Variants in CALCR observed in about 807,000 individuals in gnomAD.
The protein encoded by CALCR is calcitonin receptor.
In CALCR, 47 loss-of-function variants were observed where a neutral mutation model predicts 59.5. The ratio of observed to expected loss-of-function variants is 0.79; its 90% CI spans 0.63 to 1.01. CALCR has a LOEUF of 1.01. Among genes scored for constraint, CALCR ranks in the 50% least tolerant of loss-of-function variants. The probability of loss-of-function intolerance (pLI) is 0.00; values close to 1 mark genes in which losing one functional copy is unlikely to be tolerated. For missense variants in CALCR, 566 were observed against 597.1 expected, an observed-to-expected ratio of 0.95 and a Z score of 0.54; for synonymous variants, 213 against 211.3, an observed-to-expected ratio of 1.01 and a Z score of -0.07.
intron 8 of CALCR, 31 bp downstream of exon 8, chr7:93,460,789 TA>T: frequency 6.5e-7 from 1 of 1,539,748 alleles, no homozygotes; most frequent in Non-Finnish European, 8.8e-7. Flanking sequence ...TCCTTTAAAA[TA>T]AAAGTAAAAA....
At chr7:93,527,141 A>G (rs1391726452) in intron 2 of CALCR, among the ~76,000 whole-genome samples, 1 of 151,962 alleles carries the variant, frequency 6.6e-6, no homozygotes, top group African/African-American at 2.4e-5. Context: ...AGATTCACTC[A>G]ATAACATATC....
chr7:93,461,920 A>C lies in CALCR; in HGVS notation c.522-973T>G. ...AAATATTAGTATAATGTCATTCACC[A>C]TGTGAGAGCGTAAAACATGCCAATG... is the stretch of plus-strand genomic sequence containing the variant. On this transcript the variant is annotated intron_variant, in intron 7 of 13. Transcript: ENST00000426151. The C allele has an allele frequency of 3.2e-6, 2 of 616,878 alleles. 1 individual carries two copies. The highest frequency in any genetic ancestry group is 3.8e-5 in the South Asian group (2 of 52,362). The allele number at this position is 616,878 out of a possible 1,614,324, so 38.2% of individuals were successfully genotyped here. A position where few individuals can be genotyped will look rare whatever the true frequency, so the allele number is the denominator to read the frequency against.
chr7:93,436,223 A>G, intron 11 of CALCR, 53 bp from the exon 12 acceptor site: 2 of 1,392,988 alleles, frequency 1.4e-6, no homozygotes, highest in South Asian at 1.2e-5. Flanking sequence ...TCACTTAAGA[A>G]TATGCACTGT....
At chr7:93,525,082 C>CA (rs1489444307) in intron 2 of CALCR, among the ~76,000 whole-genome samples, 14 of 152,084 alleles carry the variant, frequency 9.2e-5, no homozygotes, top group Non-Finnish European at 1.8e-4. Context: ...TGATCAAAAA[C>CA]ATTAATTCCA....
chr7:93,513,334 A>G (rs1420112483), intron 2 of CALCR, among the ~76,000 whole-genome samples: 1 of 152,188 alleles, frequency 6.6e-6, no homozygotes, highest in Non-Finnish European at 1.5e-5. Flanking sequence ...CTTTCTAATA[A>G]CATCTGCTAT....
At chr7:93,438,496 T>C (rs375482564) in intron 9 of CALCR, among the ~76,000 whole-genome samples, 4 of 152,204 alleles carry the variant, frequency 2.6e-5, no homozygotes, top group African/African-American at 9.6e-5. Context: ...AGCATCCAAA[T>C]AATTAAAAGC....
intron 2 of CALCR, among the ~76,000 whole-genome samples, chr7:93,573,902 T>C (rs1007815605): frequency 3.9e-5 from 6 of 152,216 alleles, no homozygotes; most frequent in Non-Finnish European, 8.8e-5. Context: ...TAGATGCTGA[T>C]ATTATATGTT....
intron 12 of CALCR, among the ~76,000 whole-genome samples, chr7:93,435,249 G>A (rs1423798159): frequency 6.6e-6 from 1 of 152,108 alleles, no homozygotes; most frequent in African/African-American, 2.4e-5. Flanking sequence ...ACATTCACCT[G>A]ACAAATGGAG....
At chr7:93,573,851 G>A (rs749046144) in intron 2 of CALCR, among the ~76,000 whole-genome samples, 1 of 152,172 alleles carries the variant, frequency 6.6e-6, no homozygotes, top group African/African-American at 2.4e-5. Flanking sequence ...ATTCACTACT[G>A]TGCTCATTTC....
rs1446513787 is a variant in CALCR, at chr7:93,436,059, G to A, written c.1042C>T (p.Leu348Phe). The change falls in exon 12 of 14, where the codon CTT becomes TTT. Residue 348 changes from leucine to phenylalanine, a missense_variant. Leu to Phe is a conservative substitution (Grantham distance 22). Transcript: ENST00000426151. Reference protein sequence around the residue: ...YLKAVKATMILVPLLGIQFVV... With the variant: ...YLKAVKATMIFVPLLGIQFVV... ...AACTGGATTCCCAGCAGGGGCACAA[G>A]GATCATGGTGGCCTTCACAGCCTTC... 1.1e-5 allele frequency: 18 copies of A among 1,613,748 alleles called. No homozygotes were observed. The highest frequency in any genetic ancestry group is 3.3e-5 in the Admixed American group (2 of 59,998).
chr7:93,440,957 C>T (rs1250517471), intron 9 of CALCR, among the ~76,000 whole-genome samples: 1 of 152,082 alleles, frequency 6.6e-6, no homozygotes, highest in African/African-American at 2.4e-5. Flanking sequence ...ATCACATAAA[C>T]AATTTACTTA....
At position 93,438,312 on chromosome 7, in the gene CALCR, C is replaced by A; in HGVS notation, c.803-42G>T. The A allele has an allele frequency of 2.0e-6, 3 of 1,482,900 alleles. No homozygotes were observed. In the South Asian group the frequency reaches 3.4e-5, roughly 17 times the overall value. 91.9% of individuals were successfully genotyped at this position (1,482,900 alleles called of 1,614,324 possible). A position where few individuals can be genotyped will look rare whatever the true frequency, so the allele number is the denominator to read the frequency against. On this transcript the variant is annotated intron_variant, in intron 9 of 13. Transcript: ENST00000426151. Reference sequence around the variant, plus strand: ...TACAAATCACACTTGGTTTCTTGGTCATAACCTTTAAGTACAGCTGCATGG... The same window carrying A: ...TACAAATCACACTTGGTTTCTTGGTAATAACCTTTAAGTACAGCTGCATGG...
rs138302963 is a variant in CALCR, at chr7:93,529,102, A to T, written c.-26-42095T>A. Among the ~76,000 whole-genome samples the T allele has an allele frequency of 8.0e-4, 122 of 152,254 alleles. 2 individuals are homozygous for T. In the East Asian group the frequency reaches 0.023, roughly 28 times the overall value. ...TAATAAAGATGTTGATATAGTTTGTATATTTGTCTCCACCCAAATCTTATG... is the reference window on the plus strand; with the variant it reads ...TAATAAAGATGTTGATATAGTTTGTTTATTTGTCTCCACCCAAATCTTATG... On this transcript the variant is annotated intron_variant, in intron 2 of 13. Transcript: ENST00000426151.
chr7:93,555,349 A>C (rs1446965854), intron 2 of CALCR, among the ~76,000 whole-genome samples: 1 of 152,144 alleles, frequency 6.6e-6, no homozygotes, highest in Non-Finnish European at 1.5e-5. Flanking sequence ...GTCCTGAGGC[A>C]CTATGGATGT....
intron 2 of CALCR, among the ~76,000 whole-genome samples, chr7:93,563,531 A>G (rs1789794101): frequency 6.6e-6 from 1 of 152,204 alleles, no homozygotes; most frequent in African/African-American, 2.4e-5. Flanking sequence ...CAACCTGGCA[A>G]AGCACAATTT....
chr7:93,462,996 C>T (rs1187606441), intron 7 of CALCR, among the ~76,000 whole-genome samples: 2 of 149,484 alleles, frequency 1.3e-5, no homozygotes, highest in African/African-American at 2.5e-5. Context: ...GGGCTTAATA[C>T]CCATTTTTTT....
At chr7:93,546,005 A>T (rs1203242820) in intron 2 of CALCR, among the ~76,000 whole-genome samples, 1 of 152,190 alleles carries the variant, frequency 6.6e-6, no homozygotes, top group African/African-American at 2.4e-5. Flanking sequence ...TAACAAAAAA[A>T]ATACTGTTGC....
intron 2 of CALCR, among the ~76,000 whole-genome samples, chr7:93,513,863 A>C (rs1292503674): frequency 6.6e-6 from 1 of 151,828 alleles, no homozygotes; most frequent in East Asian, 1.9e-4. Flanking sequence ...TTCATTTACA[A>C]ATAAATATAT....
chr7:93,516,796 T>C (rs1350870152), intron 2 of CALCR, among the ~76,000 whole-genome samples: 1 of 151,798 alleles, frequency 6.6e-6, no homozygotes, highest in Non-Finnish European at 1.5e-5. Flanking sequence ...AATAATGGAG[T>C]GTCAGAAGTC....
Sources: gnomAD v4.1 joint callset for allele counts (sites outside exome capture counted in the v4.1 genomes callset) on GRCh38, gnomAD v4.1.1 for gene constraint, MANE v1.5 for transcripts, NCBI Gene and HGNC (gene_info 2026-07-23, HGNC 2026-07-21) for gene names.